Variants in TTLL8 observed in about 807,000 individuals in gnomAD.
TTLL8 encodes protein monoglycylase TTLL8.
Under a neutral mutation model 77.8 loss-of-function variants are expected in TTLL8, and 65 were observed. The observed-to-expected ratio is 0.84, with a 90% CI of 0.68 to 1.03. TTLL8 has a LOEUF of 1.03. Ranked by LOEUF, TTLL8 falls within the 50% of genes least tolerant of loss-of-function variation. TTLL8 has a pLI of 0.00. For missense variants in TTLL8, 910 were observed against 1,004.5 expected, an observed-to-expected ratio of 0.91 and a Z score of 1.27; for synonymous variants, 402 against 422.8, an observed-to-expected ratio of 0.95 and a Z score of 0.60.
At chr22:50,032,219 G>A (rs2061301813) in intron 10 of TTLL8, 110 bp from the exon 12 acceptor site, 2 of 1,164,660 alleles carry the variant, frequency 1.7e-6, no homozygotes, top group African/African-American at 3.2e-5. Flanking sequence ...AGAGAACCCT[G>A]CCCCTGAGGA....
chr22:50,030,290 T>C, intron 12 of TTLL8, 140 bp downstream of exon 13: 2 of 1,065,724 alleles, frequency 1.9e-6, no homozygotes, highest in Non-Finnish European at 1.1e-6. Flanking sequence ...CGCCGGCGCC[T>C]CCGTCAGGGG....
intron 5 of TTLL8, 74 bp downstream of exon 7, chr22:50,045,782 C>T: frequency 1.6e-6 from 2 of 1,271,988 alleles, no homozygotes; most frequent in East Asian, 1.1e-4. Context: ...ATCAGTCTGT[C>T]TCAGCACCAG....
intron 8 of TTLL8, among the ~76,000 whole-genome samples, chr22:50,038,307 A>T (rs1180876165): frequency 6.6e-6 from 1 of 152,182 alleles, no homozygotes; most frequent in Non-Finnish European, 1.5e-5. Context: ...CAATCATATC[A>T]TCTACAAATA....
rs569856894 is a variant in TTLL8, at chr22:50,034,212, G to T, written c.1039+133C>A. ...CCAGCGCCTGAGTCCTGACCCCCAC[G>T]CCTGCCTCGGCGTTCTGCTCCCTCC... On this transcript the variant is annotated intron_variant, in intron 9 of 13. Transcript: ENST00000266182. This position sits in a 1 kb window ranked among gnomAD's most constrained non-coding sequence, Gnocchi z 4.1. 4 of 1,136,694 alleles carry T rather than the reference G, an allele frequency of 3.5e-6. No individual in the cohort carries two copies. Among genetic ancestry groups the T allele is most frequent in the Non-Finnish European group, 4.5e-6 (4 of 890,036 alleles). The allele number at this position is 1,136,694 out of a possible 1,614,324, so 70.4% of individuals were successfully genotyped here.
intron 8 of TTLL8, among the ~76,000 whole-genome samples, chr22:50,038,795 G>A (rs117970682): frequency 1.1e-3 from 162 of 152,008 alleles, no homozygotes; most frequent in Non-Finnish European, 1.9e-3. Flanking sequence ...CTAGGTGGAC[G>A]GAGTGAGACC....
At chr22:50,042,820 AC>A (rs1453875106) in intron 6 of TTLL8, among the ~76,000 whole-genome samples, 7 of 152,162 alleles carry the variant, frequency 4.6e-5, no homozygotes, top group African/African-American at 4.8e-5. Flanking sequence ...AATGCTACAA[AC>A]AGAACCCTGA....
chr22:50,031,044 G>A, intron 11 of TTLL8, 119 bp from the exon 13 acceptor site: 1 of 901,000 alleles, frequency 1.1e-6, no homozygotes, highest in Non-Finnish European at 1.5e-6. Context: ...ACTCAGGAGT[G>A]AACAGTGAAC....
At chr22:50,057,039 G>A, upstream of TTLL8, 2 of 1,164,064 alleles carry the variant, frequency 1.7e-6, no homozygotes, top group Non-Finnish European at 1.1e-6. Context: ...GGATGGAGAG[G>A]GTTCTGAGGC....
exon 12 of TTLL8, chr22:50,030,566 G>A (rs2061281223): frequency 1.4e-5 from 19 of 1,310,782 alleles, no homozygotes; most frequent in Non-Finnish European, 1.8e-5. Flanking sequence ...CGGTGTTTGG[G>A]GCCTGACTGT....
chr22:50,032,054 G>A (rs747118338), exon 11 of TTLL8: 77 of 1,365,256 alleles, frequency 5.6e-5, no homozygotes, highest in Middle Eastern at 2.1e-4. Context: ...AGGGGGCTGC[G>A]GCCCACATCA....
chr22:50,027,848 C>A (rs1397009026), intron 12 of TTLL8: 2 of 978,610 alleles, frequency 2.0e-6, no homozygotes, highest in Non-Finnish European at 2.4e-6. Context: ...AAGCCCAGCT[C>A]CTCCCGGCCG....
At chr22:50,045,041 C>T (rs1297991497) in intron 6 of TTLL8, 1 of 250,764 alleles carries the variant, frequency 4.0e-6, no homozygotes, top group East Asian at 1.8e-4. Flanking sequence ...CGTTAACTGC[C>T]AGGTGCTTTA....
chr22:50,040,538 G>A (rs1477706265), intron 8 of TTLL8, among the ~76,000 whole-genome samples: 1 of 152,230 alleles, frequency 6.6e-6, no homozygotes, highest in African/African-American at 2.4e-5. Flanking sequence ...AGGTTAATAG[G>A]GGCTGATGGG....
chr22:50,035,087 C>T (rs990514770), intron 8 of TTLL8, among the ~76,000 whole-genome samples: 2 of 152,054 alleles, frequency 1.3e-5, no homozygotes, highest in Non-Finnish European at 2.9e-5. Flanking sequence ...TTTTAGAGTT[C>T]GGGGGTGCAC....
chr22:50,022,738 G>A (rs2061212394), intron 12 of TTLL8, among the ~76,000 whole-genome samples: 1 of 152,270 alleles, frequency 6.6e-6, no homozygotes, highest in South Asian at 2.1e-4. Context: ...CCATGTAGGT[G>A]TGGAGCAGCA....
chr22:50,022,805 T>G (rs1210301103), intron 12 of TTLL8, among the ~76,000 whole-genome samples: 2 of 152,250 alleles, frequency 1.3e-5, no homozygotes, highest in Admixed American at 1.3e-4. Context: ...CGGAATTGAT[T>G]TGCAGGTGAT....
intron 1 of TTLL8, 144 bp from the exon 4 acceptor site, chr22:50,050,391 G>C (rs1322308598): frequency 2.6e-6 from 1 of 389,452 alleles, no homozygotes; most frequent in Non-Finnish European, 4.3e-6. Flanking sequence ...TTTTTTTTTT[G>C]AGATGGAATC....
intron 3 of TTLL8, 87 bp from the exon 6 acceptor site, chr22:50,047,383 C>T (rs1601935279): frequency 1.7e-6 from 2 of 1,160,590 alleles, no homozygotes; most frequent in East Asian, 9.6e-5. Flanking sequence ...CATCAGAGGA[C>T]AAATGGCGTG....
At chr22:50,030,124 C>T in intron 12 of TTLL8, 1 of 971,196 alleles carries the variant, frequency 1.0e-6, no homozygotes, top group South Asian at 4.8e-5. Context: ...AATCCTCCGA[C>T]CCGCGCCACA....
Sources: allele counts gnomAD v4.1 joint callset (sites outside exome capture counted in the v4.1 genomes callset), GRCh38; gene constraint gnomAD v4.1.1; non-coding constraint Gnocchi (gnomAD v3.1); transcripts MANE v1.5; gene names NCBI Gene and HGNC (gene_info 2026-07-23, HGNC 2026-07-21).